ZMIZ1: variants seen among roughly 807,000 people sequenced by gnomAD.
The protein encoded by ZMIZ1 is zinc finger MIZ-type containing 1.
In ZMIZ1, 17 loss-of-function variants were observed where a neutral mutation model predicts 113.9. The observed-to-expected ratio is 0.15, with a 90% CI of 0.10 to 0.22. The LOEUF (loss-of-function observed/expected upper bound fraction) is 0.22. Among genes scored for constraint, ZMIZ1 ranks in the 10% least tolerant of loss-of-function variants. ZMIZ1 has a pLI of 1.00. For synonymous variants in ZMIZ1, 607 were observed against 603.1 expected, an observed-to-expected ratio of 1.01 and a Z score of -0.09; for missense variants, 1,059 against 1,477.8, an observed-to-expected ratio of 0.72 and a Z score of 4.65.
intron 7 of ZMIZ1, among the ~76,000 whole-genome samples, chr10:79,222,278 T>C (rs1191712422): frequency 6.6e-6 from 1 of 152,216 alleles, no homozygotes; most frequent in African/African-American, 2.4e-5. Context: ...GTGGGAATCT[T>C]GGACCCGCGT....
intron 18 of ZMIZ1, among the ~76,000 whole-genome samples, chr10:79,302,851 G>C (rs1250547): frequency 3.7e-5 from 5 of 133,804 alleles, no homozygotes; most frequent in South Asian, 2.4e-4. Context: ...ATGCCACCAC[G>C]CCCAGCTAAG....
intron 8 of ZMIZ1, among the ~76,000 whole-genome samples, chr10:79,281,875 G>T (rs375364212): frequency 4.6e-5 from 7 of 152,150 alleles, no homozygotes; most frequent in African/African-American, 1.7e-4. Flanking sequence ...CAGCGCACAG[G>T]GCTGTGCTAT....
intron 7 of ZMIZ1, 67 bp from the exon 8 acceptor site, chr10:79,277,114 G>A (rs78898816): frequency 0.014 from 20,073 of 1,442,250 alleles, 183 homozygotes; most frequent in Non-Finnish European, 0.016. Context: ...GGGAGAGTTG[G>A]GGGGGGGTCT....
In ZMIZ1 at chr10:79,282,364, C is replaced by T. The variant is rs559958586; in HGVS notation, c.425+5039C>T. On this transcript the variant is annotated intron_variant, in intron 8 of 24. Coordinates refer to ENST00000334512, the MANE Select transcript of ZMIZ1 (RefSeq NM_020338.4). ...GCTGGGACAGTTGAGATTTGATGCC[C>T]GCAGGTATCTGGCTGTTTGAAGGCT... Among the ~76,000 whole-genome samples the T allele has an allele frequency of 1.1e-4, 16 of 152,270 alleles. No homozygotes were observed. In the East Asian group the frequency reaches 2.7e-3, roughly 26 times the overall value.
In ZMIZ1 at chr10:79,312,671, G is replaced by T. The variant is rs1445699041; in HGVS notation, c.3126G>T (p.Glu1042Asp). 1.9e-6 allele frequency: 3 copies of T among 1,614,180 alleles called. No homozygotes were observed. The Admixed American group carries it at 5.0e-5, about 27-fold the overall frequency. Reference protein sequence around the residue: ...DLLPELTNPDELLSYLDPPDL... With the variant: ...DLLPELTNPDDLLSYLDPPDL... ...TTCCCGAACTCACAAATCCTGACGA[G>T]CTCCTGTCTTATCTGGACCCCCCCG... Residue 1042 changes from glutamate (E) to aspartate (D), a missense_variant, in exon 25 of 25, where the codon GAG becomes GAT. Coordinates refer to ENST00000334512, the MANE Select transcript of ZMIZ1 (RefSeq NM_020338.4).
chr10:79,078,758 C>T (rs1334484794), intron 1 of ZMIZ1, among the ~76,000 whole-genome samples: 4 of 141,712 alleles, frequency 2.8e-5, no homozygotes, highest in African/African-American at 1.1e-4. Flanking sequence ...CCATATTGCC[C>T]AGGCTGATCT....
At chr10:79,171,483 T>A (rs703989) in intron 4 of ZMIZ1, among the ~76,000 whole-genome samples, 122,443 of 152,154 alleles carry the variant, frequency 0.8, 49,772 homozygotes, top group African/African-American at 0.89. Flanking sequence ...TCTCCACTGC[T>A]CTCTCTATCT....
chr10:79,280,581 G>A (rs4993728), intron 8 of ZMIZ1, among the ~76,000 whole-genome samples: 1 of 148,590 alleles, frequency 6.7e-6, no homozygotes, highest in East Asian at 1.9e-4. Context: ...GTCTGACACA[G>A]GGGTAATTTT....
At chr10:79,172,253 G>A (rs978073399) in intron 4 of ZMIZ1, among the ~76,000 whole-genome samples, 4 of 152,068 alleles carry the variant, frequency 2.6e-5, no homozygotes, top group East Asian at 1.9e-4. Flanking sequence ...GGGTGAGGAC[G>A]CCTAGGGCCC....
intron 7 of ZMIZ1, among the ~76,000 whole-genome samples, chr10:79,257,489 G>A (rs557217049): frequency 5.3e-4 from 81 of 152,358 alleles, no homozygotes; most frequent in African/African-American, 1.9e-3. Flanking sequence ...GGGGAACATC[G>A]GTGTTGCCCT....
intron 7 of ZMIZ1, among the ~76,000 whole-genome samples, chr10:79,234,362 C>T (rs958278534): frequency 6.6e-6 from 1 of 152,180 alleles, no homozygotes; most frequent in African/African-American, 2.4e-5. Flanking sequence ...CTGTTTTATG[C>T]TTGACTCTTG....
chr10:79,232,932 A>G (rs1413933507), intron 7 of ZMIZ1, among the ~76,000 whole-genome samples: 1 of 152,212 alleles, frequency 6.6e-6, no homozygotes, highest in Non-Finnish European at 1.5e-5. Context: ...GCTAAGTGAT[A>G]GGAAGTACTG....
Position 79,296,569 on chromosome 10 carries a change from C to G in ZMIZ1, c.1329C>G (p.Pro443=). 1 of 1,613,350 alleles carries G rather than the reference C, an allele frequency of 6.2e-7. No homozygotes were observed. The highest frequency in any genetic ancestry group is 8.5e-7 in the Non-Finnish European group (1 of 1,179,546). Residue 443 remains proline (P), a synonymous_variant, in exon 13 of 25, where the codon CCC becomes CCG. Transcript: ENST00000334512. This position sits in a 1 kb window ranked among gnomAD's most constrained non-coding sequence, Gnocchi z 4.1. ...APNPPRPLTS[P]NYPGQRMPSQ... Reference sequence around the variant, plus strand: ...ACCCCCCGAGGCCACTCACCTCCCCCAACTACCCAGGACAGAGGATGCCCA... The same window carrying G: ...ACCCCCCGAGGCCACTCACCTCCCCGAACTACCCAGGACAGAGGATGCCCA...
At chr10:79,127,364 A>G (rs530435049) in intron 2 of ZMIZ1, among the ~76,000 whole-genome samples, 3 of 152,052 alleles carry the variant, frequency 2.0e-5, no homozygotes, top group Non-Finnish European at 4.4e-5. Flanking sequence ...TCCTTGGACT[A>G]CAAGTCCCCG....
intron 1 of ZMIZ1, among the ~76,000 whole-genome samples, chr10:79,074,218 C>T (rs1439499137): frequency 2.6e-5 from 4 of 152,218 alleles, no homozygotes; most frequent in Non-Finnish European, 5.9e-5. Flanking sequence ...AGGACTGAAC[C>T]TCAGGCCTTA....
In ZMIZ1 at chr10:79,144,724, C is replaced by T. The variant is rs189972932; in HGVS notation, c.-131+4947C>T. On this transcript the variant is annotated intron_variant, in intron 3 of 24. Coordinates refer to ENST00000334512, the MANE Select transcript of ZMIZ1 (RefSeq NM_020338.4). ...TCATTGCCTTCCCAGTGAATAGTTT[C>T]CGTGTAAAGTTAATTTGCAGTGTTA... Among the ~76,000 whole-genome samples the T allele has an allele frequency of 2.6e-3, 389 of 152,362 alleles. 3 individuals carry two copies. Among genetic ancestry groups the T allele is most frequent in the Non-Finnish European group, 4.8e-3 (327 of 68,038 alleles).
intron 5 of ZMIZ1, among the ~76,000 whole-genome samples, chr10:79,206,613 A>C (rs543085583): frequency 1.2e-4 from 18 of 152,352 alleles, no homozygotes; most frequent in African/African-American, 4.3e-4. Context: ...ATTCAAATGC[A>C]GGGAGCACTG....
At chr10:79,238,576 G>C (rs1292684139) in intron 7 of ZMIZ1, among the ~76,000 whole-genome samples, 1 of 152,228 alleles carries the variant, frequency 6.6e-6, no homozygotes, top group Non-Finnish European at 1.5e-5. Context: ...TGTGGTATGA[G>C]GGAAAGAATA....
intron 4 of ZMIZ1, among the ~76,000 whole-genome samples, chr10:79,177,566 G>A (rs765749165): frequency 6.6e-6 from 1 of 152,192 alleles, no homozygotes; most frequent in Admixed American, 6.5e-5. Context: ...ACACCACCAA[G>A]GGAAGGCAGA....
Sources: allele counts gnomAD v4.1 joint callset (sites outside exome capture counted in the v4.1 genomes callset), GRCh38; gene constraint gnomAD v4.1.1; non-coding constraint Gnocchi (gnomAD v3.1); transcripts MANE v1.5; gene names NCBI Gene and HGNC (gene_info 2026-07-23, HGNC 2026-07-21).